DLG2: variants seen among roughly 807,000 people sequenced by gnomAD.
The protein encoded by DLG2 is discs large MAGUK scaffold protein 2.
DLG2 carries 45 observed loss-of-function variants against 132.5 expected under a neutral mutation model. That is an observed-to-expected ratio of 0.34 (90% CI 0.27 to 0.44). DLG2 has a LOEUF of 0.44. Ranked by LOEUF, DLG2 falls within the 20% of genes least tolerant of loss-of-function variation. The pLI is 1.00. For missense variants in DLG2, 1,045 were observed against 1,196.9 expected (o/e 0.87, Z 1.87); for synonymous variants, 424 against 419.6 (o/e 1.01, Z -0.13).
chr11:84,812,042 T>G (rs2076614094), intron 6 of DLG2, among the ~76,000 whole-genome samples: 1 of 152,098 alleles, frequency 6.6e-6, no homozygotes, highest in African/African-American at 2.4e-5. Context: ...CTGTCTACCA[T>G]GTGTAAGTCA....
intron 6 of DLG2, among the ~76,000 whole-genome samples, chr11:84,683,109 G>A (rs2099734969): frequency 1.3e-5 from 2 of 152,128 alleles, no homozygotes; most frequent in South Asian, 2.1e-4. Flanking sequence ...AGTTATCCAA[G>A]AAAAGGGAAA....
At chr11:84,986,992 T>C (rs591455) in intron 6 of DLG2, among the ~76,000 whole-genome samples, 101,973 of 152,024 alleles carry the variant, frequency 0.67, 34,986 homozygotes, top group East Asian at 0.92. Flanking sequence ...GCTGATGATA[T>C]GATTATTTAC....
chr11:84,650,722 A>G (rs1488719633), intron 6 of DLG2, among the ~76,000 whole-genome samples: 3 of 151,908 alleles, frequency 2.0e-5, no homozygotes, highest in East Asian at 1.9e-4. Context: ...TTTCAATAAT[A>G]TGCTTCAGAG....
At chr11:84,201,871 T>C (rs1454015209) in intron 8 of DLG2, among the ~76,000 whole-genome samples, 1 of 142,072 alleles carries the variant, frequency 7.0e-6, no homozygotes, top group Admixed American at 7.5e-5. Context: ...CCAGGCATAG[T>C]GTTATGGTGG....
intron 6 of DLG2, among the ~76,000 whole-genome samples, chr11:84,791,235 A>G (rs1165532509): frequency 6.6e-6 from 1 of 152,144 alleles, no homozygotes; most frequent in Non-Finnish European, 1.5e-5. Flanking sequence ...CTCCCTCAAC[A>G]CCAGCTGAAG....
At chr11:85,159,887 A>G (rs1472313348) in intron 4 of DLG2, among the ~76,000 whole-genome samples, 1 of 152,210 alleles carries the variant, frequency 6.6e-6, no homozygotes, top group Non-Finnish European at 1.5e-5. Context: ...AAGATACCAC[A>G]ATGGCCCATT....
intron 18 of DLG2, among the ~76,000 whole-genome samples, chr11:83,710,871 T>C (rs755960429): frequency 6.6e-6 from 1 of 152,194 alleles, no homozygotes; most frequent in Non-Finnish European, 1.5e-5. Context: ...TAAAGTATTA[T>C]AGTAACATAA....
chr11:84,629,696 A>G (rs1446916395), intron 6 of DLG2, among the ~76,000 whole-genome samples: 1 of 152,190 alleles, frequency 6.6e-6, no homozygotes, highest in Non-Finnish European at 1.5e-5. Context: ...ACAGAACTTG[A>G]CAAATTAAGT....
chr11:83,737,946 C>G (rs2092125999), intron 18 of DLG2, among the ~76,000 whole-genome samples: 1 of 152,162 alleles, frequency 6.6e-6, no homozygotes, highest in Non-Finnish European at 1.5e-5. Context: ...TCTTCTTCTT[C>G]TCTTTAATAC....
intron 3 of DLG2, among the ~76,000 whole-genome samples, chr11:85,374,267 A>C (rs1344338798): frequency 6.6e-6 from 1 of 152,180 alleles, no homozygotes. Flanking sequence ...AACTGGGAGA[A>C]AAAAAACAGA....
At chr11:84,366,192 A>G (rs1277451786) in intron 7 of DLG2, among the ~76,000 whole-genome samples, 1 of 152,086 alleles carries the variant, frequency 6.6e-6, no homozygotes, top group East Asian at 1.9e-4. Flanking sequence ...TTCAACCCAG[A>G]ATTTCATATC....
chr11:84,069,204 T>A (rs1367584774), intron 10 of DLG2, among the ~76,000 whole-genome samples: 1 of 152,188 alleles, frequency 6.6e-6, no homozygotes, highest in Admixed American at 6.5e-5. Context: ...ACTGAGACCA[T>A]ACTCCAAAAA....
intron 7 of DLG2, among the ~76,000 whole-genome samples, chr11:84,351,658 C>A (rs920766404): frequency 6.6e-6 from 1 of 152,056 alleles, no homozygotes; most frequent in South Asian, 2.1e-4. Flanking sequence ...CCTTTATTGT[C>A]CTTTTAGAGA....
At chr11:84,218,981 G>C (rs1157854130) in intron 8 of DLG2, among the ~76,000 whole-genome samples, 1 of 152,128 alleles carries the variant, frequency 6.6e-6, no homozygotes, top group African/African-American at 2.4e-5. Flanking sequence ...GTTTATTATG[G>C]CAGCTATTGG....
At chr11:84,149,962 T>C (rs566796346) in intron 9 of DLG2, among the ~76,000 whole-genome samples, 2 of 152,246 alleles carry the variant, frequency 1.3e-5, no homozygotes, top group South Asian at 4.1e-4. Flanking sequence ...TTCACTATAT[T>C]GGTCAGGCTG....
chr11:83,741,499 A>G (rs1208483046), intron 18 of DLG2, among the ~76,000 whole-genome samples: 2 of 152,190 alleles, frequency 1.3e-5, no homozygotes, highest in Non-Finnish European at 2.9e-5. Flanking sequence ...TAGCATTTCT[A>G]TATACCAACA....
chr11:84,899,894 A>G (rs1007528580), intron 6 of DLG2, among the ~76,000 whole-genome samples: 1 of 152,036 alleles, frequency 6.6e-6, no homozygotes, highest in Non-Finnish European at 1.5e-5. Context: ...ATAACTGAGT[A>G]AGACCACTGG....
intron 7 of DLG2, among the ~76,000 whole-genome samples, chr11:84,368,872 G>C (rs2098694704): frequency 6.6e-6 from 1 of 152,078 alleles, no homozygotes; most frequent in Non-Finnish European, 1.5e-5. Context: ...AAGTATATTT[G>C]TATATAGTCT....
chr11:84,036,991 A>G (rs2095880912), intron 11 of DLG2, among the ~76,000 whole-genome samples: 1 of 152,164 alleles, frequency 6.6e-6, no homozygotes, highest in African/African-American at 2.4e-5. Flanking sequence ...AAAGATCATT[A>G]TCAATCTTGC....
Sources: allele counts gnomAD v4.1 joint callset (sites outside exome capture counted in the v4.1 genomes callset), GRCh38; gene constraint gnomAD v4.1.1; transcripts MANE v1.5; gene names NCBI Gene and HGNC (gene_info 2026-07-23, HGNC 2026-07-21).